GLG1: variants seen among roughly 807,000 people sequenced by gnomAD.
GLG1 encodes golgi glycoprotein 1.
A neutral mutation model predicts 160.5 loss-of-function variants in GLG1; 38 were observed. The ratio of observed to expected loss-of-function variants is 0.24; its 90% CI spans 0.18 to 0.31. GLG1 has a LOEUF of 0.31. Ranked by LOEUF, GLG1 falls within the 10% of genes least tolerant of loss-of-function variation. The pLI is 1.00. For synonymous variants in GLG1, 644 were observed against 543.4 expected, an observed-to-expected ratio of 1.19 and a Z score of -2.57; for missense variants, 1,373 against 1,505.2, an observed-to-expected ratio of 0.91 and a Z score of 1.45.
chr16:74,474,847 G>C (rs1234326159), intron 12 of GLG1, among the ~76,000 whole-genome samples: 1 of 151,986 alleles, frequency 6.6e-6, no homozygotes, highest in Non-Finnish European at 1.5e-5. Context: ...TGGTTATGAG[G>C]GCCAAGTGGG....
rs189276798 is a variant in GLG1, at chr16:74,559,485, G to A, written c.439-27332C>T. Among the ~76,000 whole-genome samples the A allele has an allele frequency of 7.2e-5, 11 of 151,904 alleles. No individual in the cohort carries two copies. The East Asian group carries it at 1.4e-3, about 19-fold the overall frequency. ...AAGGCTGGGGGAGGAGGGGCGATGG[G>A]GGGGCAGGGGACAACACAAATACAG... On this transcript the variant is annotated intron_variant, in intron 1 of 25. Transcript: ENST00000422840.
chr16:74,482,110 C>A (rs1245779466), intron 10 of GLG1, among the ~76,000 whole-genome samples: 4 of 152,080 alleles, frequency 2.6e-5, no homozygotes, highest in Non-Finnish European at 5.9e-5. Flanking sequence ...CTGCTTCAGC[C>A]TCTCAGGTAG....
intron 1 of GLG1, among the ~76,000 whole-genome samples, chr16:74,542,168 T>C (rs921299392): frequency 6.7e-6 from 1 of 148,920 alleles, no homozygotes; most frequent in Non-Finnish European, 1.5e-5. Context: ...CTGGTTTGAA[T>C]AGTATAGCTA....
intron 2 of GLG1, among the ~76,000 whole-genome samples, chr16:74,519,502 T>G (rs1318560138): frequency 6.6e-6 from 1 of 151,480 alleles, no homozygotes; most frequent in Non-Finnish European, 1.5e-5. Context: ...AAAAGTATAG[T>G]ACATACGATT....
intron 4 of GLG1, among the ~76,000 whole-genome samples, chr16:74,499,565 T>C (rs930042388): frequency 2.6e-5 from 4 of 152,206 alleles, no homozygotes; most frequent in Non-Finnish European, 5.9e-5. Context: ...ATAGCCTAGG[T>C]GTGTAGTAGG....
intron 11 of GLG1, 65 bp downstream of exon 11, chr16:74,480,176 A>C (rs1178398462): frequency 7.6e-7 from 1 of 1,316,652 alleles, no homozygotes; most frequent in Middle Eastern, 1.8e-4. Context: ...TCAGAAGAAT[A>C]TACAGCAAAC....
chr16:74,541,278 C>G (rs1408109451), intron 1 of GLG1, among the ~76,000 whole-genome samples: 1 of 142,098 alleles, frequency 7.0e-6, no homozygotes, highest in Non-Finnish European at 1.5e-5. Flanking sequence ...GAGCCAAGAT[C>G]ACACCACCAC....
chr16:74,579,081 A>G (rs887585585), intron 1 of GLG1, among the ~76,000 whole-genome samples: 2 of 152,230 alleles, frequency 1.3e-5, no homozygotes, highest in Admixed American at 6.5e-5. Flanking sequence ...AGTTAAATTC[A>G]TAAGTTGTTT....
intron 1 of GLG1, among the ~76,000 whole-genome samples, chr16:74,597,181 C>T (rs942102329): frequency 7.2e-5 from 11 of 151,726 alleles, no homozygotes; most frequent in Non-Finnish European, 1.0e-4. Context: ...GCCTGTAATC[C>T]CAGCACTTTG....
At position 74,494,176 on chromosome 16, in the gene GLG1, A is replaced by AC. The variant is rs1020881350; in HGVS notation, c.1050+583_1050+584insG. ...GTGACAGAGAAAGACTCCACTCAAA[A>AC]AAAAACAAAAACAAAACAAAACAAA... On this transcript the variant is annotated intron_variant, in intron 6 of 25. Coordinates refer to ENST00000422840, the MANE Select transcript of GLG1 (RefSeq NM_001145667.2). 4.1e-4 allele frequency among the ~76,000 whole-genome samples: 61 copies of AC among 150,536 alleles called. No individual in the cohort carries two copies. In the East Asian group the frequency reaches 5.1e-3, roughly 13 times the overall value.
At chr16:74,507,975 G>T (rs186124812) in intron 3 of GLG1, among the ~76,000 whole-genome samples, 1 of 151,822 alleles carries the variant, frequency 6.6e-6, no homozygotes, top group Non-Finnish European at 1.5e-5. Context: ...CTTTCTGCTC[G>T]GAAGCCCCAA....
chr16:74,563,151 G>A (rs553163724), intron 1 of GLG1: 2 of 152,304 alleles, frequency 1.3e-5, no homozygotes, highest in South Asian at 4.1e-4. Context: ...AACAGAAAAG[G>A]GGTCTTATGG....
At chr16:74,517,297 T>C (rs1164141711) in intron 2 of GLG1, among the ~76,000 whole-genome samples, 1 of 152,214 alleles carries the variant, frequency 6.6e-6, no homozygotes, top group Non-Finnish European at 1.5e-5. Context: ...CTGAAAATCC[T>C]CAATAAAATA....
At chr16:74,573,265 T>C (rs141014774) in intron 1 of GLG1, among the ~76,000 whole-genome samples, 3 of 152,266 alleles carry the variant, frequency 2.0e-5, no homozygotes, top group East Asian at 1.9e-4. Context: ...GAAGAATGTA[T>C]TGTAGGCAGA....
In GLG1 at chr16:74,485,112, G is replaced by A. The variant is rs375746215; in HGVS notation, c.1571+684C>T. On this transcript the variant is annotated intron_variant, in intron 9 of 25. Coordinates refer to ENST00000422840, the MANE Select transcript of GLG1 (RefSeq NM_001145667.2). Reference sequence around the variant, plus strand: ...AACTTTTATGTTGCCTTGCTATATTGCCCAGGCTGGTTTCAAACTCGTAGC... The same window carrying A: ...AACTTTTATGTTGCCTTGCTATATTACCCAGGCTGGTTTCAAACTCGTAGC... 5.9e-5 allele frequency among the ~76,000 whole-genome samples: 9 copies of A among 152,232 alleles called. No homozygotes were observed. The East Asian group carries it at 7.7e-4, about 13-fold the overall frequency.
At chr16:74,533,513 G>A (rs1318078473) in intron 1 of GLG1, among the ~76,000 whole-genome samples, 2 of 152,098 alleles carry the variant, frequency 1.3e-5, no homozygotes, top group African/African-American at 4.8e-5. Context: ...GAGTGCAGTG[G>A]CTCACACCTG....
intron 1 of GLG1, among the ~76,000 whole-genome samples, chr16:74,603,261 T>A (rs1958485953): frequency 6.6e-6 from 1 of 151,332 alleles, no homozygotes; most frequent in Non-Finnish European, 1.5e-5. Flanking sequence ...AATACAAAAA[T>A]TAGCTGGGCG....
At chr16:74,549,878 C>A (rs1476946134) in intron 1 of GLG1, among the ~76,000 whole-genome samples, 3 of 151,914 alleles carry the variant, frequency 2.0e-5, no homozygotes, top group Admixed American at 1.3e-4. Context: ...CTGTAGGAGG[C>A]TAAGGCAGGG....
chr16:74,479,812 G>C (rs117746051), intron 11 of GLG1, among the ~76,000 whole-genome samples: 1 of 152,162 alleles, frequency 6.6e-6, no homozygotes, highest in African/African-American at 2.4e-5. Context: ...AAGAGACTGA[G>C]GTATGGAGGT....
Sources: allele counts gnomAD v4.1 joint callset (sites outside exome capture counted in the v4.1 genomes callset), GRCh38; gene constraint gnomAD v4.1.1; transcripts MANE v1.5; gene names NCBI Gene and HGNC (gene_info 2026-07-23, HGNC 2026-07-21).